Variants in CPVL observed in about 807,000 individuals in gnomAD.
The protein encoded by CPVL is probable serine carboxypeptidase CPVL.
Under a neutral mutation model 63.7 loss-of-function variants are expected in CPVL, and 51 were observed. The observed-to-expected ratio is 0.80, with a 90% CI of 0.64 to 1.01. The LOEUF (loss-of-function observed/expected upper bound fraction) is 1.01, where lower values mean the gene tolerates loss of function less well. Among genes scored for constraint, CPVL ranks in the 50% least tolerant of loss-of-function variants. The pLI, the probability that CPVL is intolerant of heterozygous loss-of-function variation, is 0.00. For missense variants in CPVL, 530 were observed against 573.1 expected, an observed-to-expected ratio of 0.92 and a Z score of 0.77; for synonymous variants, 195 against 206.0, an observed-to-expected ratio of 0.95 and a Z score of 0.46.
chr7:29,053,684 T>C (rs189514550), intron 11 of CPVL, among the ~76,000 whole-genome samples: 4 of 151,908 alleles, frequency 2.6e-5, no homozygotes, highest in East Asian at 3.9e-4. Context: ...GCAGAGAAAA[T>C]TGCAGTTGCA....
upstream of CPVL, chr7:29,195,312 G>C (rs1490608852): frequency 3.1e-6 from 1 of 321,288 alleles, no homozygotes; most frequent in African/African-American, 2.2e-5. Flanking sequence ...GCTGGAGCGG[G>C]GGCTGGCGGG....
At chr7:29,194,650 C>T in intron 1 of CPVL, 1 of 324,132 alleles carries the variant, frequency 3.1e-6, no homozygotes, top group Non-Finnish European at 5.5e-6. Context: ...GAGATCCGCC[C>T]GTCCCGGCTG....
chr7:29,130,685 C>G (rs181331381), intron 1 of CPVL, among the ~76,000 whole-genome samples: 63 of 152,302 alleles, frequency 4.1e-4, no homozygotes, highest in African/African-American at 1.3e-3. Flanking sequence ...GAAGCCATAT[C>G]TAGGTGATGT....
At chr7:29,118,748 T>C (rs1200611790) in intron 2 of CPVL, among the ~76,000 whole-genome samples, 3 of 152,176 alleles carry the variant, frequency 2.0e-5, no homozygotes, top group Admixed American at 6.5e-5. Flanking sequence ...TTATAGAGTA[T>C]TTAGATTTGC....
In CPVL at chr7:29,122,016, TATA is replaced by T. The variant is rs373579775; in HGVS notation, c.-10-948_-10-946del. 4.8e-3 allele frequency among the ~76,000 whole-genome samples: 731 copies of T among 152,308 alleles called. 6 individuals carry two copies. Among genetic ancestry groups the T allele is most frequent in the African/African-American group, 0.017 (698 of 41,548 alleles). On this transcript the variant is annotated intron_variant, in intron 1 of 12. Transcript: ENST00000265394. ...TTTGCTTAGAATATTCATCTGAGAT[TATA>T]ATAATAATGGCATAAAACTGTATAA...
chr7:29,019,872 C>T (rs894532625), intron 12 of CPVL, among the ~76,000 whole-genome samples: 19 of 152,206 alleles, frequency 1.2e-4, no homozygotes, highest in African/African-American at 4.6e-4. Context: ...ATCACCTATA[C>T]AAAATGCAGA....
intron 1 of CPVL, chr7:29,195,069 G>C: frequency 1.4e-6 from 2 of 1,438,250 alleles, no homozygotes; most frequent in Non-Finnish European, 1.9e-6. Flanking sequence ...GGGATGGACA[G>C]AGCCTACCTG....
chr7:29,117,554 G>A (rs1218641053), intron 2 of CPVL, among the ~76,000 whole-genome samples: 4 of 152,182 alleles, frequency 2.6e-5, no homozygotes, highest in Admixed American at 6.5e-5. Context: ...GGGTTGGCCA[G>A]TATAGGGTTT....
At chr7:29,103,152 C>T (rs11980173) in intron 3 of CPVL, among the ~76,000 whole-genome samples, 9,223 of 117,844 alleles carry the variant, frequency 0.078, 411 homozygotes, top group Middle Eastern at 0.16. Flanking sequence ...GACCATATGC[C>T]TATCACTGAA....
At chr7:29,172,241 C>T (rs905032767) in intron 5 of CPVL, among the ~76,000 whole-genome samples, 53 of 152,272 alleles carry the variant, frequency 3.5e-4, no homozygotes, top group African/African-American at 1.2e-3. Context: ...CTCCAGCATC[C>T]GGCCCACTGA....
At chr7:28,997,788 C>T (rs1395890196) in intron 12 of CPVL, among the ~76,000 whole-genome samples, 1 of 152,194 alleles carries the variant, frequency 6.6e-6, no homozygotes. Flanking sequence ...CAATAGCCCT[C>T]TGAGGTTTAT....
chr7:29,079,327 A>T (rs980584358), intron 7 of CPVL, among the ~76,000 whole-genome samples: 2 of 152,166 alleles, frequency 1.3e-5, no homozygotes, highest in East Asian at 1.9e-4. Context: ...TTTGGTGAAC[A>T]AGGCTGCACC....
intron 12 of CPVL, 55 bp downstream of exon 12, chr7:29,030,522 T>C (rs1787920050): frequency 3.9e-6 from 6 of 1,546,756 alleles, no homozygotes; most frequent in Non-Finnish European, 5.3e-6. Context: ...CAGGCTTTAT[T>C]TTCAATCCCG....
intron 1 of CPVL, chr7:29,126,481 C>T (rs1790037087): frequency 6.6e-6 from 1 of 152,180 alleles, no homozygotes; most frequent in South Asian, 2.1e-4. Flanking sequence ...GCCAGTTCTC[C>T]CCTACCTGAT....
chr7:29,178,051 C>T (rs187803396), intron 5 of CPVL, among the ~76,000 whole-genome samples: 5 of 152,256 alleles, frequency 3.3e-5, no homozygotes, highest in Admixed American at 3.3e-4. Context: ...TTATCTCATG[C>T]CTCACATTCC....
At chr7:29,118,109 C>G (rs1341592428) in intron 2 of CPVL, among the ~76,000 whole-genome samples, 8 of 152,154 alleles carry the variant, frequency 5.3e-5, no homozygotes, top group Admixed American at 5.2e-4. Flanking sequence ...CTGAAACAAA[C>G]AGAACTAAAT....
rs1334711961 is a variant in CPVL at position 29,123,255 on chromosome 7, C to T, written c.-10-2184G>A. 5.3e-5 allele frequency among the ~76,000 whole-genome samples: 8 copies of T among 151,998 alleles called. No homozygotes were observed. In the East Asian group the frequency reaches 1.4e-3, roughly 26 times the overall value. ...TTTAAAAGCTTTTCAGGCACATTTC[C>T]CCAGTAAGATAAAGGTTTATAATTA... On this transcript the variant is annotated intron_variant, in intron 1 of 12. Coordinates refer to ENST00000265394, the MANE Select transcript of CPVL (RefSeq NM_031311.5).
chr7:29,099,446 G>A (rs967119335), intron 3 of CPVL, among the ~76,000 whole-genome samples: 10 of 152,048 alleles, frequency 6.6e-5, no homozygotes, highest in Non-Finnish European at 1.2e-4. Context: ...GTATGGTGGC[G>A]CATGCCTATG....
At chr7:28,996,066 A>C (rs58104618) in intron 12 of CPVL, 184 bp from the exon 13 acceptor site, 7,907 of 507,928 alleles carry the variant, frequency 0.016, 501 homozygotes, top group African/African-American at 0.14. Flanking sequence ...AGGCATGTTA[A>C]GGTAGAAAAG....
Sources: gnomAD v4.1 joint callset for allele counts (sites outside exome capture counted in the v4.1 genomes callset) on GRCh38, gnomAD v4.1.1 for gene constraint, MANE v1.5 for transcripts, NCBI Gene and HGNC (gene_info 2026-07-23, HGNC 2026-07-21) for gene names.